The following GPD2 variants were observed in gnomAD, a reference collection of about 807,000 sequenced individuals.
GPD2 encodes the protein glycerol-3-phosphate dehydrogenase 2, also known as glycerol-3-phosphate dehydrogenase, mitochondrial.
GPD2 carries 54 observed loss-of-function variants against 82.4 expected under a neutral mutation model. The observed-to-expected ratio is 0.66, with a 90% CI of 0.53 to 0.82. The LOEUF (loss-of-function observed/expected upper bound fraction) is 0.82. Among genes scored for constraint, GPD2 ranks in the 40% least tolerant of loss-of-function variants. GPD2 has a pLI of 0.00. For missense variants in GPD2, 748 were observed against 896.2 expected (o/e 0.83, Z 2.11); for synonymous variants, 288 against 306.1 (o/e 0.94, Z 0.62).
chr2:156,537,501 T>G (rs1225505398), intron 6 of GPD2, among the ~76,000 whole-genome samples: 1 of 152,244 alleles, frequency 6.6e-6, no homozygotes, highest in Admixed American at 6.5e-5. Flanking sequence ...CAGCCTTGTA[T>G]AGTTGAAAGT....
chr2:156,558,877 A>G (rs1687064400), intron 9 of GPD2, among the ~76,000 whole-genome samples: 1 of 148,356 alleles, frequency 6.7e-6, no homozygotes, highest in Non-Finnish European at 1.5e-5. Context: ...CGGCCTCCCA[A>G]AGTGCTGGGA....
chr2:156,413,833 A>G, the GPD2 span, among the ~76,000 whole-genome samples: 3 of 151,964 alleles, frequency 2.0e-5, no homozygotes, highest in African/African-American at 7.3e-5. Flanking sequence ...GAACCCAGGA[A>G]GCGGAGGTTG....
intron 1 of GPD2, among the ~76,000 whole-genome samples, chr2:156,442,573 G>C (rs762518642): frequency 1.1e-4 from 17 of 152,252 alleles, no homozygotes; most frequent in Admixed American, 2.0e-4. Context: ...ACTTTGGGAG[G>C]CCAAGGTAGG....
chr2:156,528,736 A>G (rs1028561295), intron 6 of GPD2, among the ~76,000 whole-genome samples: 6 of 151,510 alleles, frequency 4.0e-5, no homozygotes, highest in Non-Finnish European at 8.8e-5. Flanking sequence ...ATGATTTCCA[A>G]TTTCATCCAT....
chr2:156,464,206 T>A (rs1683079533), intron 1 of GPD2, among the ~76,000 whole-genome samples: 1 of 152,206 alleles, frequency 6.6e-6, no homozygotes, highest in Non-Finnish European at 1.5e-5. Flanking sequence ...TAAATGGGAA[T>A]TTTGTTAGCA....
intron 6 of GPD2, among the ~76,000 whole-genome samples, chr2:156,546,322 A>G (rs1003888090): frequency 5.3e-5 from 8 of 152,222 alleles, no homozygotes; most frequent in African/African-American, 1.2e-4. Flanking sequence ...GGATTATTGT[A>G]TCACATTCCA....
intron 6 of GPD2, among the ~76,000 whole-genome samples, chr2:156,544,290 A>G (rs1009898262): frequency 9.2e-5 from 14 of 152,140 alleles, no homozygotes; most frequent in Admixed American, 5.9e-4. Flanking sequence ...TGTCCTTTTA[A>G]TGACATTGGT....
chr2:156,451,270 G>A (rs1250339733), intron 1 of GPD2, among the ~76,000 whole-genome samples: 3 of 151,246 alleles, frequency 2.0e-5, no homozygotes, highest in Non-Finnish European at 4.4e-5. Flanking sequence ...CCTCCCGGAC[G>A]GGGCAGCTGG....
chr2:156,450,430 G>A (rs1341068679), intron 1 of GPD2, among the ~76,000 whole-genome samples: 1 of 152,138 alleles, frequency 6.6e-6, no homozygotes, highest in African/African-American at 2.4e-5. Flanking sequence ...ATATAGAAGA[G>A]AAGGAGGAGT....
chr2:156,468,637 T>C (rs1379439340), intron 1 of GPD2, among the ~76,000 whole-genome samples: 1 of 152,240 alleles, frequency 6.6e-6, no homozygotes, highest in Non-Finnish European at 1.5e-5. Flanking sequence ...TACATCTGGA[T>C]TTCTCAGTGT....
At chr2:156,462,787 T>C (rs1449517397) in intron 1 of GPD2, among the ~76,000 whole-genome samples, 1 of 152,202 alleles carries the variant, frequency 6.6e-6, no homozygotes, top group African/African-American at 2.4e-5. Context: ...AGTAAGTAGC[T>C]CCTTTAGCCT....
rs186334562 is a variant in GPD2, at chr2:156,558,967, C to T, written c.1165+1385C>T. ...CTTTGCATGTTTATATTCAACTACT[C>T]CCCATCCCTGCATTCTGTGGTCTAA... On this transcript the variant is annotated intron_variant, in intron 9 of 16. Transcript: ENST00000438166. 9.9e-5 allele frequency among the ~76,000 whole-genome samples: 15 copies of T among 151,838 alleles called. 2 individuals are homozygous for T. The East Asian group carries it at 2.9e-3, about 29-fold the overall frequency.
At chr2:156,490,701 C>T (rs189550159) in intron 2 of GPD2, among the ~76,000 whole-genome samples, 3 of 152,222 alleles carry the variant, frequency 2.0e-5, no homozygotes, top group East Asian at 1.9e-4. Flanking sequence ...ACCATGAACC[C>T]GCTGTGTACT....
At chr2:156,528,146 GTTGCCTC>G (rs1321724440) in intron 6 of GPD2, among the ~76,000 whole-genome samples, 1 of 151,984 alleles carries the variant, frequency 6.6e-6, no homozygotes, top group Non-Finnish European at 1.5e-5. Flanking sequence ...ATTTTCAATA[GTTGCCTC>G]TTCCAACAGC....
intron 9 of GPD2, among the ~76,000 whole-genome samples, chr2:156,561,805 A>C (rs1462535394): frequency 1.3e-5 from 2 of 152,184 alleles, no homozygotes; most frequent in Non-Finnish European, 2.9e-5. Flanking sequence ...ATCCTTAAGA[A>C]AAAAAAGTGT....
At chr2:156,494,674 G>C (rs1684305253) in intron 2 of GPD2, among the ~76,000 whole-genome samples, 1 of 152,300 alleles carries the variant, frequency 6.6e-6, no homozygotes, top group South Asian at 2.1e-4. Flanking sequence ...GCTTTGGCCT[G>C]TTGGCCTAGA....
At chr2:156,507,050 A>G (rs1310321780) in intron 3 of GPD2, among the ~76,000 whole-genome samples, 1 of 151,560 alleles carries the variant, frequency 6.6e-6, no homozygotes, top group Non-Finnish European at 1.5e-5. Flanking sequence ...GTCTCACTGT[A>G]TCACCTAGGC....
chr2:156,473,822 C>G (rs1683413804), intron 1 of GPD2, among the ~76,000 whole-genome samples: 1 of 152,082 alleles, frequency 6.6e-6, no homozygotes, highest in African/African-American at 2.4e-5. Flanking sequence ...TGGGTACCTG[C>G]TAAGTTAGGG....
intron 6 of GPD2, among the ~76,000 whole-genome samples, chr2:156,516,148 A>T (rs1685188715): frequency 6.6e-6 from 1 of 152,218 alleles, no homozygotes; most frequent in Non-Finnish European, 1.5e-5. Context: ...CCAAGTCTAA[A>T]CATGGTAGTT....
Sources: allele counts gnomAD v4.1 joint callset (sites outside exome capture counted in the v4.1 genomes callset), GRCh38; gene constraint gnomAD v4.1.1; transcripts MANE v1.5; gene names NCBI Gene and HGNC (gene_info 2026-07-23, HGNC 2026-07-21).